Variants in GBE1 observed in about 807,000 individuals in gnomAD.
GBE1 encodes 1,4-alpha-glucan-branching enzyme.
A neutral mutation model predicts 88.8 loss-of-function variants in GBE1; 70 were observed. That is an observed-to-expected ratio of 0.79 (90% CI 0.65 to 0.96). The LOEUF (loss-of-function observed/expected upper bound fraction) is 0.96. Ranked by LOEUF, GBE1 falls within the 40% of genes least tolerant of loss-of-function variation. The pLI, the probability that GBE1 is intolerant of heterozygous loss-of-function variation, is 0.00. For synonymous variants in GBE1, 284 were observed against 300.1 expected, an observed-to-expected ratio of 0.95 and a Z score of 0.56; for missense variants, 872 against 871.0, an observed-to-expected ratio of 1.00 and a Z score of -0.01.
At chr3:81,669,891 T>C (rs1705165688) in intron 3 of GBE1, among the ~76,000 whole-genome samples, 1 of 152,174 alleles carries the variant, frequency 6.6e-6, no homozygotes, top group Non-Finnish European at 1.5e-5. Context: ...TTTCATTATT[T>C]ATAAAATATT....
intron 14 of GBE1, among the ~76,000 whole-genome samples, chr3:81,530,136 A>T (rs1360428187): frequency 6.6e-6 from 1 of 151,832 alleles, no homozygotes; most frequent in Non-Finnish European, 1.5e-5. Context: ...TTGTCAACTG[A>T]ATTTTTCAGC....
intron 2 of GBE1, among the ~76,000 whole-genome samples, chr3:81,690,408 C>T (rs1705504306): frequency 6.6e-6 from 1 of 152,110 alleles, no homozygotes; most frequent in Admixed American, 6.5e-5. Context: ...AAATACCAAC[C>T]AAAAAGTAGT....
chr3:81,708,868 A>G (rs1006213909), intron 1 of GBE1, among the ~76,000 whole-genome samples: 1 of 152,186 alleles, frequency 6.6e-6, no homozygotes, highest in African/African-American at 2.4e-5. Flanking sequence ...CTGATATGGA[A>G]TCTTGCCCGA....
intron 3 of GBE1, among the ~76,000 whole-genome samples, chr3:81,653,676 A>G (rs1704884844): frequency 6.6e-6 from 1 of 152,206 alleles, no homozygotes; most frequent in South Asian, 2.1e-4. Flanking sequence ...AAAATATACT[A>G]TTTAAGCATA....
chr3:81,754,702 G>A (rs1224335241), intron 1 of GBE1, among the ~76,000 whole-genome samples: 1 of 151,944 alleles, frequency 6.6e-6, no homozygotes, highest in African/African-American at 2.4e-5. Context: ...CTTCAACAAA[G>A]GTGCCAAGAA....
chr3:81,541,866 A>G (rs1703146546), intron 12 of GBE1, among the ~76,000 whole-genome samples: 1 of 152,134 alleles, frequency 6.6e-6, no homozygotes, highest in South Asian at 2.1e-4. Flanking sequence ...ATTTAGAAGC[A>G]TATACGATAC....
intron 12 of GBE1, among the ~76,000 whole-genome samples, chr3:81,546,523 A>C (rs558831487): frequency 2.0e-5 from 3 of 151,346 alleles, no homozygotes; most frequent in Non-Finnish European, 4.4e-5. Flanking sequence ...GACACAGGCC[A>C]TAAAGACCTT....
chr3:81,713,352 G>A (rs1453214597), intron 1 of GBE1, among the ~76,000 whole-genome samples: 4 of 152,160 alleles, frequency 2.6e-5, no homozygotes, highest in Admixed American at 6.6e-5. Context: ...ACGACATGAC[G>A]ACTAGCTGTG....
At chr3:81,735,410 C>T (rs1259427234) in intron 1 of GBE1, among the ~76,000 whole-genome samples, 1 of 152,162 alleles carries the variant, frequency 6.6e-6, no homozygotes, top group Non-Finnish European at 1.5e-5. Flanking sequence ...ACTTAGTCTT[C>T]CTAAATAGTC....
At chr3:81,523,186 T>G (rs1004691110) in intron 14 of GBE1, among the ~76,000 whole-genome samples, 2 of 150,364 alleles carry the variant, frequency 1.3e-5, no homozygotes, top group African/African-American at 4.9e-5. Context: ...CATATATTAT[T>G]ATGTATGCTT....
intron 7 of GBE1, among the ~76,000 whole-genome samples, chr3:81,599,479 T>A (rs1375130544): frequency 6.6e-6 from 1 of 152,176 alleles, no homozygotes. Context: ...AGCCTACTAC[T>A]ACACACCTAG....
intron 7 of GBE1, among the ~76,000 whole-genome samples, chr3:81,637,537 T>A (rs193128218): frequency 6.6e-6 from 1 of 152,152 alleles, no homozygotes; most frequent in Non-Finnish European, 1.5e-5. Context: ...CTTTACCAAA[T>A]AATACCAAAT....
At chr3:81,566,114 C>A (rs1425384341) in intron 12 of GBE1, among the ~76,000 whole-genome samples, 7 of 152,328 alleles carry the variant, frequency 4.6e-5, no homozygotes, top group African/African-American at 1.4e-4. Context: ...ACAATCTGAA[C>A]TTTTCTTCTC....
chr3:81,519,114 C>T (rs1702837481), intron 14 of GBE1, among the ~76,000 whole-genome samples: 1 of 151,538 alleles, frequency 6.6e-6, no homozygotes, highest in Non-Finnish European at 1.5e-5. Flanking sequence ...ACTTCAAAGC[C>T]TTCTGTAAAC....
At chr3:81,723,470 G>A (rs1305211016) in intron 1 of GBE1, among the ~76,000 whole-genome samples, 4 of 151,940 alleles carry the variant, frequency 2.6e-5, no homozygotes, top group Admixed American at 6.6e-5. Context: ...AACTACCACA[G>A]AAAGGACAGT....
At chr3:81,598,591 T>C (rs1703989536) in intron 7 of GBE1, among the ~76,000 whole-genome samples, 1 of 151,950 alleles carries the variant, frequency 6.6e-6, no homozygotes, top group African/African-American at 2.4e-5. Context: ...TTGTATAAGT[T>C]ACATTACAAA....
At chr3:81,539,546 T>G (rs1447963148) in intron 12 of GBE1, among the ~76,000 whole-genome samples, 1 of 151,878 alleles carries the variant, frequency 6.6e-6, no homozygotes, top group African/African-American at 2.4e-5. Flanking sequence ...TCAGGGAAAG[T>G]TGAATGATAG....
At chr3:81,535,150 G>C (rs1703058174) in intron 14 of GBE1, 45 bp downstream of exon 14, 14 of 1,364,930 alleles carry the variant, frequency 1.0e-5, no homozygotes, top group Non-Finnish European at 1.4e-5. Flanking sequence ...ATGTAATAAA[G>C]AAGTGAATGT....
chr3:81,686,501 A>G (rs1705442890), intron 2 of GBE1, among the ~76,000 whole-genome samples: 1 of 152,216 alleles, frequency 6.6e-6, no homozygotes, highest in South Asian at 2.1e-4. Flanking sequence ...TCACGCCTGT[A>G]ATCCCAGCAC....
Sources: gnomAD v4.1 joint callset for allele counts (sites outside exome capture counted in the v4.1 genomes callset) on GRCh38, gnomAD v4.1.1 for gene constraint, MANE v1.5 for transcripts, NCBI Gene and HGNC (gene_info 2026-07-23, HGNC 2026-07-21) for gene names.